KIF17: variants seen among roughly 807,000 people sequenced by gnomAD.
The protein encoded by KIF17 is kinesin-like protein KIF17.
In KIF17, 80 loss-of-function variants were observed where a neutral mutation model predicts 96.8. The ratio of observed to expected loss-of-function variants is 0.83; its 90% confidence interval spans 0.69 to 1.00. The LOEUF (loss-of-function observed/expected upper bound fraction) is 1.00. Among genes scored for constraint, KIF17 ranks in the 50% least tolerant of loss-of-function variants. The pLI is 0.00. For missense variants in KIF17, 1,280 were observed against 1,372.9 expected (o/e 0.93, Z 1.07); for synonymous variants, 567 against 587.5 (o/e 0.97, Z 0.51).
At chr1:20,679,985 C>CGATT (rs35598230) in intron 11 of KIF17, among the ~76,000 whole-genome samples, 98,932 of 151,308 alleles carry the variant, frequency 0.65, 33,936 homozygotes, top group Non-Finnish European at 0.76. Context: ...AATCAGAGAT[C>CGATT]GATTGATTGA....
At chr1:20,711,565 G>A (rs375625732) in intron 3 of KIF17, among the ~76,000 whole-genome samples, 1 of 152,158 alleles carries the variant, frequency 6.6e-6, no homozygotes, top group African/African-American at 2.4e-5. Flanking sequence ...ACGGGGAGGG[G>A]AGCCCTTGAC....
At chr1:20,669,381 C>T (rs2053595410) in intron 13 of KIF17, among the ~76,000 whole-genome samples, 2 of 151,398 alleles carry the variant, frequency 1.3e-5, no homozygotes, top group Non-Finnish European at 2.9e-5. Flanking sequence ...ACTAAAAATA[C>T]AAAAAATTAG....
In KIF17 at chr1:20,717,770, C is replaced by A. The variant is rs1325370328; in HGVS notation, c.-64G>T. On this transcript the variant is annotated 5_prime_UTR_variant, in exon 1 of 15. Transcript: ENST00000400463. ...CCGCCCCGCCGGGGACTCCCAGCAG[C>A]CCGGGCCAAGGGGCGGGGCCAGCGC... 26 of 1,470,396 alleles carry A rather than the reference C, an allele frequency of 1.8e-5. No homozygotes were observed. The East Asian group carries it at 7.4e-4, about 42-fold the overall frequency. The allele number at this position is 1,470,396 out of a possible 1,614,324, so 91.1% of individuals were successfully genotyped here. A position where few individuals can be genotyped will look rare whatever the true frequency, so the allele number is the denominator to read the frequency against.
chr1:20,689,812 G>T (rs532672798), intron 7 of KIF17, among the ~76,000 whole-genome samples: 1 of 152,246 alleles, frequency 6.6e-6, no homozygotes, highest in South Asian at 2.1e-4. Flanking sequence ...TTCGGGGCAG[G>T]GACTGGCCTC....
In KIF17 at chr1:20,682,847, G is replaced by C. The variant is rs1279275381; in HGVS notation, c.2269C>G (p.Gln757Glu). The C allele has an allele frequency of 1.9e-6, 3 of 1,611,872 alleles. No homozygotes were observed. The highest frequency in any genetic ancestry group is 2.5e-6 in the Non-Finnish European group (3 of 1,180,010). Residue 757 changes from glutamine to glutamate, a missense_variant, in exon 11 of 15, where the codon CAG becomes GAG. By Grantham distance (29) the Gln-to-Glu change is conservative. Coordinates refer to ENST00000400463, the MANE Select transcript of KIF17 (RefSeq NM_001122819.3). ...LLEQQVVGGE[Q>E]AKNKDLKEKH... ...TCCTTCAGGTCCTTGTTCTTGGCCT[G>C]CTCTCCACCCACAACCTGCTGCTCC...
At chr1:20,707,969 A>G (rs1259049443) in intron 4 of KIF17, among the ~76,000 whole-genome samples, 1 of 151,804 alleles carries the variant, frequency 6.6e-6, no homozygotes, top group African/African-American at 2.4e-5. Context: ...TGTCAGAACT[A>G]TGAGTAACTG....
intron 6 of KIF17, among the ~76,000 whole-genome samples, chr1:20,695,200 T>G (rs147763369): frequency 4.6e-4 from 70 of 152,276 alleles, no homozygotes; most frequent in African/African-American, 1.5e-3. Context: ...TTTTAATTTT[T>G]TTTTTGAGTC....
Position 20,687,251 on chromosome 1 carries a change from C to T in KIF17, c.1938+137G>A. On this transcript the variant is annotated intron_variant, in intron 8 of 14. Transcript: ENST00000400463. This position sits in a 1 kb window ranked among gnomAD's most constrained non-coding sequence, Gnocchi z 4.4. ...CCTGAGCCAGCCACCAGTGCCAGAG[C>T]CGCAGCAGACACAGTGGAGCCACGG... 1.0e-6 allele frequency: 1 copy of T among 956,542 alleles called. No individual in the cohort carries two copies. 59.3% of individuals were successfully genotyped at this position (956,542 alleles called of 1,614,324 possible).
rs2054300690 is a variant in KIF17, at chr1:20,704,336, G to A, written c.1123+111C>T. 1.1e-6 allele frequency: 1 copy of A among 880,336 alleles called. No homozygotes were observed. The highest frequency in any genetic ancestry group is 1.8e-6 in the Non-Finnish European group (1 of 546,776). 54.5% of individuals were successfully genotyped at this position (880,336 alleles called of 1,614,324 possible). A position where few individuals can be genotyped will look rare whatever the true frequency, so the allele number is the denominator to read the frequency against. ...CTCACATGGGGCTGAGGGGTGGGAG[G>A]ATGCTGCTCCCACTGTCTTTTAGGT... On this transcript the variant is annotated intron_variant, in intron 5 of 14. Coordinates refer to ENST00000400463, the MANE Select transcript of KIF17 (RefSeq NM_001122819.3). The surrounding 1 kb of genome is among the most constrained non-coding windows in gnomAD (Gnocchi z 6.8).
In KIF17 at chr1:20,687,971, T is replaced by A; in HGVS notation, c.1382-27A>T. ...TGCAAAATGGAGAACTTCCTTCAGG[T>A]TTTTAAAGGGTCAGAATGAGAGACC... On this transcript the variant is annotated intron_variant, in intron 7 of 14. Coordinates refer to ENST00000400463, the MANE Select transcript of KIF17 (RefSeq NM_001122819.3). This position sits in a 1 kb window ranked among gnomAD's most constrained non-coding sequence, Gnocchi z 4.4. 1.9e-6 allele frequency: 3 copies of A among 1,603,220 alleles called. No individual in the cohort carries two copies. In the Middle Eastern group the frequency reaches 5.0e-4, roughly 266 times the overall value.
rs1249408167 is a variant in KIF17 at position 20,717,551 on chromosome 1, G to T, written c.156C>A (p.Phe52Leu). Residue 52 changes from phenylalanine to leucine, a missense_variant, in exon 1 of 15, where the codon TTC becomes TTA. Transcript: ENST00000400463. ...PGAADEPPKQFTFDGAYHVDH... is the reference protein window; with the variant it reads ...PGAADEPPKQLTFDGAYHVDH... ...CCACGTGGTAGGCGCCGTCGAAGGT[G>T]AACTGCTTGGGCGGCTCGTCGGCGG... 1 of 1,611,538 alleles carries T rather than the reference G, an allele frequency of 6.2e-7. No individual in the cohort carries two copies. The highest frequency in any genetic ancestry group is 1.3e-5 in the African/African-American group (1 of 75,000).
At chr1:20,681,840 A>G (rs1191206123) in intron 11 of KIF17, among the ~76,000 whole-genome samples, 1 of 152,088 alleles carries the variant, frequency 6.6e-6, no homozygotes, top group Non-Finnish European at 1.5e-5. Context: ...TACCTCCAGG[A>G]GAATGTCCCT....
rs1357567611 is a variant in KIF17, at chr1:20,705,693, C to G, written c.671-794G>C. On this transcript the variant is annotated intron_variant, in intron 4 of 14. Coordinates refer to ENST00000400463, the MANE Select transcript of KIF17 (RefSeq NM_001122819.3). ...CCTTTTCCTACACATGAGATAATGT[C>G]TGCCGGGGTTCGTGCGGAAGCCTCT... 2.0e-5 allele frequency among the ~76,000 whole-genome samples: 3 copies of G among 152,228 alleles called. No individual in the cohort carries two copies. The East Asian group carries it at 5.8e-4, about 30-fold the overall frequency.
rs1245029467 is a variant in KIF17, at chr1:20,717,772, C to T, written c.-66G>A. ...GCCCCGCCGGGGACTCCCAGCAGCCCGGGCCAAGGGGCGGGGCCAGCGCCG... is the reference window on the plus strand; with the variant it reads ...GCCCCGCCGGGGACTCCCAGCAGCCTGGGCCAAGGGGCGGGGCCAGCGCCG... On this transcript the variant is annotated 5_prime_UTR_variant, in exon 1 of 15. Transcript: ENST00000400463. The T allele has an allele frequency of 5.5e-6, 8 of 1,465,254 alleles. No homozygotes were observed. Among genetic ancestry groups the T allele is most frequent in the South Asian group, 1.3e-5 (1 of 74,594 alleles). 90.8% of individuals were successfully genotyped at this position (1,465,254 alleles called of 1,614,324 possible). A position where few individuals can be genotyped will look rare whatever the true frequency, so the allele number is the denominator to read the frequency against.
intron 11 of KIF17, among the ~76,000 whole-genome samples, chr1:20,675,776 T>C (rs2053728025): frequency 6.6e-6 from 1 of 152,264 alleles, no homozygotes; most frequent in South Asian, 2.1e-4. Flanking sequence ...CTCTCACCAA[T>C]ATGAGTCTGC....
At chr1:20,684,530 G>T (rs1321720783) in intron 10 of KIF17, among the ~76,000 whole-genome samples, 1 of 152,210 alleles carries the variant, frequency 6.6e-6, no homozygotes, top group Non-Finnish European at 1.5e-5. Context: ...GGGGGCTGGG[G>T]GCTTGGCTGG....
intron 3 of KIF17, 94 bp downstream of exon 3, chr1:20,713,360 C>T: frequency 1.1e-6 from 1 of 937,924 alleles, no homozygotes; most frequent in South Asian, 1.4e-5. Context: ...AGTGCCGGCA[C>T]CCTCAGGACA....
intron 11 of KIF17, among the ~76,000 whole-genome samples, chr1:20,674,973 A>C (rs537847331): frequency 1.3e-3 from 193 of 151,786 alleles, no homozygotes; most frequent in Non-Finnish European, 2.3e-3. Context: ...AATATGGTGA[A>C]ATCCCATCTC....
At chr1:20,712,877 T>TA (rs2054496040) in intron 3 of KIF17, among the ~76,000 whole-genome samples, 9 of 75,878 alleles carry the variant, frequency 1.2e-4, no homozygotes, top group African/African-American at 7.2e-4. Flanking sequence ...AGATATTATC[T>TA]ATATATAATA....
Sources: allele counts gnomAD v4.1 joint callset (sites outside exome capture counted in the v4.1 genomes callset), GRCh38; gene constraint gnomAD v4.1.1; non-coding constraint Gnocchi (gnomAD v3.1); transcripts MANE v1.5; gene names NCBI Gene and HGNC (gene_info 2026-07-23, HGNC 2026-07-21).